Variants in UCK2 observed in about 807,000 individuals in gnomAD.
The protein encoded by UCK2 is uridine-cytidine kinase 2.
A neutral mutation model predicts 30.8 loss-of-function variants in UCK2; 6 were observed. That is an observed-to-expected ratio of 0.19 (90% CI 0.11 to 0.38). UCK2 has a LOEUF of 0.38. UCK2 is among the 10% of genes least tolerant of loss of function. UCK2 has a pLI of 1.00. For synonymous variants in UCK2, 125 were observed against 133.6 expected (o/e 0.94, Z 0.45); for missense variants, 210 against 339.8 (o/e 0.62, Z 3.00).
chr1:165,867,132 G>A (rs577234427), intron 1 of UCK2, among the ~76,000 whole-genome samples: 1 of 152,246 alleles, frequency 6.6e-6, no homozygotes, highest in African/African-American at 2.4e-5. Flanking sequence ...TAAAAAAATT[G>A]CAGAGACCTT....
intron 1 of UCK2, among the ~76,000 whole-genome samples, chr1:165,869,725 G>T (rs977978988): frequency 7.4e-6 from 1 of 134,304 alleles, no homozygotes; most frequent in African/African-American, 2.8e-5. Flanking sequence ...CTGGAGTGCA[G>T]TGTGTCGTGA....
Position 165,910,164 on chromosome 1 carries a change from T to C in UCK2, c.*2341T>C, listed in dbSNP as rs1033903631. On this transcript the variant is annotated 3_prime_UTR_variant, in exon 7 of 7. Transcript: ENST00000367879. Reference sequence around the variant, plus strand: ...GTCTGCTGGGGTCTGTGACACACTGTTTCTGGAACAAGGAAGGGATGGAAG... The same window carrying C: ...GTCTGCTGGGGTCTGTGACACACTGCTTCTGGAACAAGGAAGGGATGGAAG... 1 of 152,242 alleles carries C rather than the reference T, an allele frequency of 6.6e-6. No individual in the cohort carries two copies. The highest frequency in any genetic ancestry group is 1.5e-5 in the Non-Finnish European group (1 of 68,084). The allele number at this position is 152,242 out of a possible 1,614,324, so 9.4% of individuals were successfully genotyped here. A position where few individuals can be genotyped will look rare whatever the true frequency, so the allele number is the denominator to read the frequency against.
At chr1:165,885,169 G>A (rs984433215) in intron 1 of UCK2, 27 of 379,718 alleles carry the variant, frequency 7.1e-5, no homozygotes, top group East Asian at 1.5e-4. Flanking sequence ...GGAGAACATC[G>A]GGGTGAATGC....
chr1:165,897,279 G>A (rs1302567670), intron 4 of UCK2, among the ~76,000 whole-genome samples: 1 of 152,156 alleles, frequency 6.6e-6, no homozygotes, highest in Non-Finnish European at 1.5e-5. Context: ...CCACTGTTCT[G>A]TGTTGGACAC....
At chr1:165,863,795 G>A (rs1654978677) in intron 1 of UCK2, among the ~76,000 whole-genome samples, 1 of 152,100 alleles carries the variant, frequency 6.6e-6, no homozygotes, top group Non-Finnish European at 1.5e-5. Context: ...GTCATCTAGT[G>A]GTTTCTGATG....
intron 4 of UCK2, among the ~76,000 whole-genome samples, chr1:165,902,398 C>T (rs956730160): frequency 6.9e-6 from 1 of 145,418 alleles, no homozygotes; most frequent in African/African-American, 2.6e-5. Flanking sequence ...TGTGACAGAG[C>T]AAGACACCTT....
chr1:165,856,531 C>T (rs1654751071), intron 1 of UCK2, among the ~76,000 whole-genome samples: 1 of 148,698 alleles, frequency 6.7e-6, no homozygotes, highest in Non-Finnish European at 1.5e-5. Context: ...ACCACACTAC[C>T]CTTGGTTCTT....
intron 5 of UCK2, 62 bp from the exon 6 acceptor site, chr1:165,905,859 G>A: frequency 6.6e-7 from 1 of 1,509,268 alleles, no homozygotes; most frequent in Non-Finnish European, 9.2e-7. Flanking sequence ...TTCCCTTGGA[G>A]AGGGTCTCGG....
intron 3 of UCK2, among the ~76,000 whole-genome samples, chr1:165,894,783 A>G (rs759397258): frequency 1.9e-4 from 29 of 152,082 alleles, no homozygotes; most frequent in Non-Finnish European, 2.4e-4. Context: ...GGAAGTGTTT[A>G]TGGGAAGGAG....
intron 1 of UCK2, among the ~76,000 whole-genome samples, chr1:165,863,056 A>G (rs140242188): frequency 2.4e-4 from 36 of 152,326 alleles, no homozygotes; most frequent in African/African-American, 7.0e-4. Context: ...GTGCGAGCCA[A>G]TGGGTCCAGA....
At position 165,847,479 on chromosome 1, in the gene UCK2, A is replaced by G. The variant is rs562194469; in HGVS notation, c.99+19547A>G. On this transcript the variant is annotated intron_variant, in intron 1 of 6. Transcript: ENST00000367879. ...ATTTTTAAGAAACAACCACTTTTAA[A>G]TCCTCTAGCTATTTCTTTTATCTCC... 1.8e-3 allele frequency among the ~76,000 whole-genome samples: 277 copies of G among 152,282 alleles called. 3 individuals carry two copies. The highest frequency in any genetic ancestry group is 6.1e-3 in the African/African-American group (255 of 41,544).
intron 1 of UCK2, among the ~76,000 whole-genome samples, chr1:165,839,742 C>G (rs932634184): frequency 6.6e-6 from 1 of 152,076 alleles, no homozygotes; most frequent in Non-Finnish European, 1.5e-5. Context: ...TCTTCTGAAC[C>G]TATTCCTACA....
At chr1:165,861,404 G>A (rs1163899795) in intron 1 of UCK2, among the ~76,000 whole-genome samples, 3 of 151,764 alleles carry the variant, frequency 2.0e-5, no homozygotes. Flanking sequence ...CGAGGCGGGC[G>A]GATCACGAGG....
At chr1:165,896,091 G>C in intron 3 of UCK2, 99 bp from the exon 4 acceptor site, 2 of 1,506,400 alleles carry the variant, frequency 1.3e-6, no homozygotes, top group Non-Finnish European at 1.8e-6. Context: ...TGGGGGCAAG[G>C]AACCCAGAAC....
intron 1 of UCK2, among the ~76,000 whole-genome samples, chr1:165,855,346 A>AGGG (rs1654717156): frequency 6.6e-6 from 1 of 152,174 alleles, no homozygotes; most frequent in Non-Finnish European, 1.5e-5. Flanking sequence ...AGATGTCCCC[A>AGGG]AATAAGGTGC....
At chr1:165,906,049 C>T (rs1647648004) in intron 6 of UCK2, 80 bp downstream of exon 6, 9 of 1,360,096 alleles carry the variant, frequency 6.6e-6, no homozygotes, top group Non-Finnish European at 9.4e-6. Context: ...TGTGGTGACC[C>T]TACAGGGCTC....
chr1:165,875,616 C>G (rs1338689949), intron 1 of UCK2, among the ~76,000 whole-genome samples: 1 of 152,184 alleles, frequency 6.6e-6, no homozygotes, highest in African/African-American at 2.4e-5. Flanking sequence ...TGATTGACTT[C>G]AAGTCGAGGT....
At position 165,891,226 on chromosome 1, in the gene UCK2, A is replaced by T; in HGVS notation, c.260A>T (p.Asp87Val). ...ATTTTAACAATTTGGTATTTTTCAG[A>T]TGCCTTTGACAATGAACTCATTCTC... Reference protein sequence around the residue: ...LKGQFNFDHPDAFDNELILKT... With the variant: ...LKGQFNFDHPVAFDNELILKT... Residue 87 changes from aspartate (D) to valine (V), a missense_variant and splice_region_variant, in exon 3 of 7, where the codon GAT becomes GTT. Physicochemically the swap from Asp to Val is radical, Grantham distance 152 (BLOSUM62 -3). Around this residue, in one of 4 missense-constraint regions of UCK2, gnomAD observed 75 missense variants for 124.7 expected, o/e 0.60. Transcript: ENST00000367879. 1 of 1,613,972 alleles carries T rather than the reference A, an allele frequency of 6.2e-7. No individual in the cohort carries two copies. The highest frequency in any genetic ancestry group is 8.5e-7 in the Non-Finnish European group (1 of 1,179,842).
intron 1 of UCK2, among the ~76,000 whole-genome samples, chr1:165,845,478 A>G (rs1654425541): frequency 6.6e-6 from 1 of 151,976 alleles, no homozygotes; most frequent in Non-Finnish European, 1.5e-5. Context: ...TTTCTTCGCA[A>G]CTCTTTGGAG....
Sources: allele counts gnomAD v4.1 joint callset (sites outside exome capture counted in the v4.1 genomes callset), GRCh38; gene constraint gnomAD v4.1.1; regional missense constraint gnomAD v4.1.1; transcripts MANE v1.5; gene names NCBI Gene and HGNC (gene_info 2026-07-23, HGNC 2026-07-21).